The following PIPOX variants were observed in gnomAD, a reference collection of about 807,000 sequenced individuals.
PIPOX encodes peroxisomal sarcosine oxidase.
Under a neutral mutation model 47.9 loss-of-function variants are expected in PIPOX, and 45 were observed. That is an observed-to-expected ratio of 0.94 (90% CI 0.74 to 1.20). The LOEUF is 1.20. PIPOX is among the 50% of genes most tolerant of loss of function. PIPOX has a pLI of 0.00. For synonymous variants in PIPOX, 165 were observed against 191.3 expected (o/e 0.86, Z 1.13); for missense variants, 458 against 498.4 (o/e 0.92, Z 0.77).
chr17:29,045,088 G>A, intron 2 of PIPOX, 81 bp downstream of exon 2: 1 of 1,432,898 alleles, frequency 7.0e-7, no homozygotes, highest in Non-Finnish European at 9.4e-7. Flanking sequence ...CAGCGCCATG[G>A]AACATTTGGA....
At chr17:29,054,447 C>CTTGT in intron 4 of PIPOX, 98 bp from the exon 5 acceptor site, 1 of 1,338,650 alleles carries the variant, frequency 7.5e-7, no homozygotes, top group South Asian at 1.3e-5. Flanking sequence ...GGTGTCCAGG[C>CTTGT]TTGTGTTAGA....
At chr17:29,049,124 A>T (rs2065796175) in intron 2 of PIPOX, among the ~76,000 whole-genome samples, 1 of 152,184 alleles carries the variant, frequency 6.6e-6, no homozygotes. Flanking sequence ...CCTCGGGAGG[A>T]ATCTTCAATT....
At chr17:29,050,388 A>G (rs1317491947) in intron 2 of PIPOX, among the ~76,000 whole-genome samples, 1 of 152,178 alleles carries the variant, frequency 6.6e-6, no homozygotes, top group Non-Finnish European at 1.5e-5. Flanking sequence ...CTTCATACTT[A>G]TTTGTTGAGT....
intron 2 of PIPOX, 90 bp downstream of exon 2, chr17:29,045,097 GA>G: frequency 7.2e-7 from 1 of 1,389,038 alleles, no homozygotes. Context: ...GGAACATTTG[GA>G]ATGCAATGGG....
At chr17:29,051,864 A>G in intron 2 of PIPOX, 2 of 455,194 alleles carry the variant, frequency 4.4e-6, no homozygotes, top group Non-Finnish European at 9.1e-6. Flanking sequence ...TGTGAGAGGC[A>G]GCACCAGGCA....
intron 2 of PIPOX, 49 bp from the exon 3 acceptor site, chr17:29,052,871 C>A (rs1436341501): frequency 1.3e-6 from 2 of 1,544,324 alleles, no homozygotes; most frequent in Middle Eastern, 1.7e-4. Flanking sequence ...TCACATCAGG[C>A]CCAGGATTTT....
At chr17:29,046,366 G>GAGTGCCTCCTAGCACAC (rs1465597164) in intron 2 of PIPOX, among the ~76,000 whole-genome samples, 1 of 152,194 alleles carries the variant, frequency 6.6e-6, no homozygotes, top group Admixed American at 6.5e-5. Flanking sequence ...AGAGTGTCTG[G>GAGTGCCTCCTAGCACAC]AATCTTTCCG....
At chr17:29,053,204 C>T (rs545366607) in intron 3 of PIPOX, 71 bp downstream of exon 3, 3 of 1,430,850 alleles carry the variant, frequency 2.1e-6, no homozygotes, top group Non-Finnish European at 2.9e-6. Flanking sequence ...AAGCAGCCAG[C>T]CCAAGACCCC....
Position 29,043,173 on chromosome 17 carries a change from T to A in PIPOX, c.-53T>A, listed in dbSNP as rs2065772810. ...TCCTCGTCCTTTAGCCGGGAGCCTG[T>A]CTTTGCTTGCCTTTGCCTTTGAGGC... On this transcript the variant is annotated 5_prime_UTR_variant, in exon 1 of 8. Transcript: ENST00000323372. 7.1e-7 allele frequency: 1 copy of A among 1,418,194 alleles called. No individual in the cohort carries two copies. Among genetic ancestry groups the A allele is most frequent in the Non-Finnish European group, 9.9e-7 (1 of 1,010,166 alleles). 87.9% of individuals were successfully genotyped at this position (1,418,194 alleles called of 1,614,324 possible).
At chr17:29,046,842 CCTCTGGTGAGA>C in intron 2 of PIPOX, 1 of 798,128 alleles carries the variant, frequency 1.3e-6, no homozygotes, top group South Asian at 5.7e-5. Flanking sequence ...AGCTGTTGAA[CCTCTGGTGAGA>C]CTCAGCTTTT....
chr17:29,043,452 C>A (rs893057145), intron 1 of PIPOX, 113 bp downstream of exon 1: 2 of 635,498 alleles, frequency 3.1e-6, no homozygotes, highest in African/African-American at 1.8e-5. Flanking sequence ...ACTGAATCAT[C>A]AAAAATTCTG....
At chr17:29,048,318 A>T (rs2152698354) in intron 2 of PIPOX, among the ~76,000 whole-genome samples, 2 of 152,356 alleles carry the variant, frequency 1.3e-5, no homozygotes, top group South Asian at 4.1e-4. Flanking sequence ...AGATATGAGC[A>T]TACTTAATGC....
At chr17:29,049,507 T>C (rs569221133) in intron 2 of PIPOX, among the ~76,000 whole-genome samples, 2 of 152,258 alleles carry the variant, frequency 1.3e-5, no homozygotes, top group East Asian at 3.9e-4. Context: ...ACTTAAATGA[T>C]TTTCAATCTG....
chr17:29,044,153 T>A lies in PIPOX; in HGVS notation c.115-706T>A, dbSNP rs78262472. 4 of 152,370 alleles carry A rather than the reference T, an allele frequency of 2.6e-5. No individual in the cohort carries two copies. In the East Asian group the frequency reaches 7.7e-4, roughly 29 times the overall value. 9.4% of individuals were successfully genotyped at this position (152,370 alleles called of 1,614,324 possible). On this transcript the variant is annotated intron_variant, in intron 1 of 7. Transcript: ENST00000323372. ...TTCCTGGTTCATCCTCTCAGGAAAC[T>A]CATTGTTGCTGAATCCTGAGGTGGT...
intron 5 of PIPOX, 93 bp downstream of exon 5, chr17:29,054,784 CG>C: frequency 2.1e-6 from 3 of 1,418,466 alleles, no homozygotes; most frequent in Non-Finnish European, 2.9e-6. Context: ...CCTTGGGTCT[CG>C]GGGCCAGCAG....
chr17:29,052,947 G>T lies in PIPOX; in HGVS notation c.291G>T (p.Met97Ile). 1 of 1,614,212 alleles carries T rather than the reference G, an allele frequency of 6.2e-7. No homozygotes were observed. Among genetic ancestry groups the T allele is most frequent in the Non-Finnish European group, 8.5e-7 (1 of 1,180,026 alleles). ...HRQTGLLLLG[M>I]KENQELKTIQ... is the part of the protein sequence containing the mutation. ...AGACTGGATTACTGCTGCTGGGAAT[G>T]AAAGAGAATCAAGAATTAAAGACAA... is the stretch of plus-strand genomic sequence containing the variant. Residue 97 changes from methionine to isoleucine, a missense_variant, in exon 3 of 8, where the codon ATG becomes ATT. Transcript: ENST00000323372.
At chr17:29,046,318 C>A (rs1365160330) in intron 2 of PIPOX, among the ~76,000 whole-genome samples, 1 of 152,210 alleles carries the variant, frequency 6.6e-6, no homozygotes, top group African/African-American at 2.4e-5. Context: ...AGAGGGCACA[C>A]TTCCTCCTAG....
chr17:29,052,634 A>C (rs2065810694), intron 2 of PIPOX, among the ~76,000 whole-genome samples: 1 of 152,224 alleles, frequency 6.6e-6, no homozygotes, highest in Non-Finnish European at 1.5e-5. Context: ...ATCATGGCTC[A>C]CTGCAACCCT....
In PIPOX at chr17:29,054,619, C is replaced by A. The variant is rs1299422049; in HGVS notation, c.735C>A (p.Cys245Ter). ...ATGGTGTGTCCCAGGCCTTTCCGTG[C>A]TTCCTGTGGCTGGGCTTGTGTCCCC... Reference protein sequence around the residue: ...GSYGVSQAFPCFLWLGLCPHH... With the variant: ...GSYGVSQAFP Residue 245 changes from cysteine to a stop codon, truncating the protein, a stop_gained, in exon 5 of 8, where the codon TGC becomes TGA. Transcript: ENST00000323372. LOFTEE classifies it high-confidence loss of function. 1.2e-6 allele frequency: 2 copies of A among 1,614,086 alleles called. No individual in the cohort carries two copies. The highest frequency in any genetic ancestry group is 8.5e-7 in the Non-Finnish European group (1 of 1,180,024).
Sources: allele counts gnomAD v4.1 joint callset (sites outside exome capture counted in the v4.1 genomes callset), GRCh38; gene constraint gnomAD v4.1.1; transcripts MANE v1.5; gene names NCBI Gene and HGNC (gene_info 2026-07-23, HGNC 2026-07-21).